Variants in PID1 observed in about 807,000 individuals in gnomAD.
PID1 encodes the protein PTB-containing, cubilin and LRP1-interacting protein.
In PID1, 10 loss-of-function variants were observed where a neutral mutation model predicts 19.1. That is an observed-to-expected ratio of 0.52 (90% CI 0.32 to 0.89). The LOEUF (loss-of-function observed/expected upper bound fraction) is 0.89. PID1 is among the 40% of genes least tolerant of loss of function. The pLI is 0.03. For missense variants in PID1, 248 were observed against 285.3 expected (o/e 0.87, Z 0.94); for synonymous variants, 130 against 116.0 (o/e 1.12, Z -0.78).
chr2:229,247,657 A>T (rs1479867500), intron 1 of PID1, among the ~76,000 whole-genome samples: 1 of 152,210 alleles, frequency 6.6e-6, no homozygotes, highest in Admixed American at 6.5e-5. Context: ...AGATATTTAG[A>T]AACTACCTAC....
intron 1 of PID1, among the ~76,000 whole-genome samples, chr2:229,174,926 T>A (rs1371022731): frequency 6.6e-6 from 1 of 151,966 alleles, no homozygotes; most frequent in Non-Finnish European, 1.5e-5. Flanking sequence ...CCCTTAAGAG[T>A]CTGGCAGCTT....
intron 1 of PID1, among the ~76,000 whole-genome samples, chr2:229,195,388 T>C (rs1281241751): frequency 2.0e-5 from 3 of 151,684 alleles, no homozygotes; most frequent in Non-Finnish European, 4.4e-5. Flanking sequence ...CACACATGTA[T>C]ATACATATAC....
intron 1 of PID1, among the ~76,000 whole-genome samples, chr2:229,269,197 A>C (rs1690671033): frequency 6.6e-6 from 1 of 151,586 alleles, no homozygotes; most frequent in African/African-American, 2.4e-5. Flanking sequence ...GAGCTTTCAA[A>C]AGCCTAAAAA....
intron 1 of PID1, among the ~76,000 whole-genome samples, chr2:229,220,113 C>A (rs2106257639): frequency 6.6e-6 from 1 of 150,974 alleles, no homozygotes; most frequent in East Asian, 2.0e-4. Flanking sequence ...TCGATCTCCC[C>A]AGCTAGAGTG....
intron 1 of PID1, among the ~76,000 whole-genome samples, chr2:229,202,243 T>C (rs549657586): frequency 2.9e-4 from 44 of 152,188 alleles, no homozygotes; most frequent in African/African-American, 1.1e-3. Flanking sequence ...TTCTTATCGC[T>C]ACTCTGCAAA....
At chr2:229,212,932 C>T (rs563682497) in intron 1 of PID1, among the ~76,000 whole-genome samples, 1 of 152,158 alleles carries the variant, frequency 6.6e-6, no homozygotes, top group East Asian at 1.9e-4. Context: ...ATCCCGTGAC[C>T]CCAAGCTAGT....
At chr2:229,190,561 CAGA>C (rs1393747640) in intron 1 of PID1, among the ~76,000 whole-genome samples, 2 of 152,200 alleles carry the variant, frequency 1.3e-5, no homozygotes, top group Non-Finnish European at 2.9e-5. Flanking sequence ...ATTGTTTCTG[CAGA>C]AGAAGAGTCC....
chr2:229,182,683 T>A (rs1690972363), intron 1 of PID1, among the ~76,000 whole-genome samples: 1 of 152,182 alleles, frequency 6.6e-6, no homozygotes, highest in Non-Finnish European at 1.5e-5. Flanking sequence ...AGGTCAATCA[T>A]CATGACAGTT....
At chr2:229,228,702 T>C (rs1692135942) in intron 1 of PID1, among the ~76,000 whole-genome samples, 1 of 148,882 alleles carries the variant, frequency 6.7e-6, no homozygotes, top group South Asian at 2.1e-4. Flanking sequence ...TGTGGATAGA[T>C]AATTTAACAC....
Position 229,187,531 on chromosome 2 carries a change from T to C in PID1, c.31-31567A>G, listed in dbSNP as rs116330373. Among the ~76,000 whole-genome samples, 966 of 152,182 alleles carry C rather than the reference T, an allele frequency of 6.3e-3. 10 individuals carry two copies. The highest frequency in any genetic ancestry group is 0.022 in the African/African-American group (908 of 41,512). Reference sequence around the variant, plus strand: ...TAACAACCATCAGATCATGTGAGACTTACTCACTACCACGAGAATAGCATA... The same window carrying C: ...TAACAACCATCAGATCATGTGAGACCTACTCACTACCACGAGAATAGCATA... On this transcript the variant is annotated intron_variant, in intron 1 of 2. Coordinates refer to ENST00000392055, the MANE Select transcript of PID1 (RefSeq NM_001100818.2).
chr2:229,137,318 CAT>C (rs1267813303), intron 2 of PID1, among the ~76,000 whole-genome samples: 2 of 152,196 alleles, frequency 1.3e-5, no homozygotes, highest in African/African-American at 2.4e-5. Context: ...TTAATTGTGA[CAT>C]GTGTGTTTTA....
At position 229,096,827 on chromosome 2, in the gene PID1, C is replaced by T. The variant is rs902539806; in HGVS notation, c.177+58991G>A. Among the ~76,000 whole-genome samples, 15 of 152,266 alleles carry T rather than the reference C, an allele frequency of 9.9e-5. No homozygotes were observed. The East Asian group carries it at 1.9e-3, about 20-fold the overall frequency. ...CCTCACTAAGGATCCCTGCAATGTG[C>T]CCTTGTAATAATAACCCCACAGTTG... On this transcript the variant is annotated intron_variant, in intron 2 of 2. Transcript: ENST00000392055.
At chr2:229,212,225 C>T (rs1410686596) in intron 1 of PID1, among the ~76,000 whole-genome samples, 3 of 152,152 alleles carry the variant, frequency 2.0e-5, no homozygotes, top group South Asian at 2.1e-4. Context: ...ATACAATTTT[C>T]CTCAACGCCC....
chr2:229,144,013 C>T lies in PID1; in HGVS notation c.177+11805G>A, dbSNP rs142354724. 2.2e-3 allele frequency among the ~76,000 whole-genome samples: 333 copies of T among 152,204 alleles called. 1 individual carries two copies. Among genetic ancestry groups the T allele is most frequent in the African/African-American group, 7.7e-3 (320 of 41,530 alleles). On this transcript the variant is annotated intron_variant, in intron 2 of 2. Coordinates refer to ENST00000392055, the MANE Select transcript of PID1 (RefSeq NM_001100818.2). ...TATTAATATCTGAATCAAATAGGAT[C>T]AGGTTCCTGAAATGTAACAAGGGAT...
At position 229,034,333 on chromosome 2, in the gene PID1, C is replaced by T. The variant is rs542168070; in HGVS notation, c.178-8225G>A. 3.5e-4 allele frequency among the ~76,000 whole-genome samples: 53 copies of T among 152,282 alleles called. 1 individual carries two copies. Among genetic ancestry groups the T allele is most frequent in the South Asian group, 6.2e-4 (3 of 4,828 alleles). ...TCTATGCCAGGTACTTGGCTAAATG[C>T]TTTATATGGATCATTAATCCTCATA... On this transcript the variant is annotated intron_variant, in intron 2 of 2. Transcript: ENST00000392055.
At chr2:229,030,751 CTCTTTATAAA>C (rs1693531580) in intron 2 of PID1, among the ~76,000 whole-genome samples, 1 of 152,006 alleles carries the variant, frequency 6.6e-6, no homozygotes, top group Admixed American at 6.6e-5. Flanking sequence ...AAATATCTTC[CTCTTTATAAA>C]TCTTTATAAA....
rs181634929 is a variant in PID1 at position 229,024,374 on chromosome 2, A to G, written c.*1258T>C. On this transcript the variant is annotated 3_prime_UTR_variant, in exon 3 of 3. Coordinates refer to ENST00000392055, the MANE Select transcript of PID1 (RefSeq NM_001100818.2). ...CTCCAATGTGTGTATTTTAACAAATACAATTTCATTCTATGTTGACTCTGT... is the reference window on the plus strand; with the variant it reads ...CTCCAATGTGTGTATTTTAACAAATGCAATTTCATTCTATGTTGACTCTGT... The G allele has an allele frequency of 6.6e-6, 1 of 152,634 alleles. No homozygotes were observed. The highest frequency in any genetic ancestry group is 2.4e-5 in the African/African-American group (1 of 41,572). The allele number at this position is 152,634 out of a possible 1,614,324, so 9.5% of individuals were successfully genotyped here. A position where few individuals can be genotyped will look rare whatever the true frequency, so the allele number is the denominator to read the frequency against.
At chr2:229,212,040 G>A (rs932753207) in intron 1 of PID1, among the ~76,000 whole-genome samples, 2 of 152,068 alleles carry the variant, frequency 1.3e-5, no homozygotes, top group African/African-American at 2.4e-5. Context: ...AAAGACAGGT[G>A]GTATCAAACT....
intron 2 of PID1, among the ~76,000 whole-genome samples, chr2:229,069,938 G>A (rs545908098): frequency 6.6e-6 from 1 of 152,134 alleles, no homozygotes; most frequent in South Asian, 2.1e-4. Flanking sequence ...AGTCAAGAGG[G>A]GGGAACAAAA....
Sources: gnomAD v4.1 joint callset for allele counts (sites outside exome capture counted in the v4.1 genomes callset) on GRCh38, gnomAD v4.1.1 for gene constraint, MANE v1.5 for transcripts, NCBI Gene and HGNC (gene_info 2026-07-23, HGNC 2026-07-21) for gene names.